The following ALG3 variants were observed in gnomAD, a reference collection of about 807,000 sequenced individuals.
ALG3 encodes ALG3 alpha-1,3- mannosyltransferase, also known as dol-P-Man:Man(5)GlcNAc(2)-PP-Dol alpha-1,3-mannosyltransferase.
A neutral mutation model predicts 50.5 loss-of-function variants in ALG3; 39 were observed. The ratio of observed to expected loss-of-function variants is 0.77; its 90% CI spans 0.60 to 1.01. The LOEUF (loss-of-function observed/expected upper bound fraction) is 1.01. Ranked by LOEUF, ALG3 falls within the 50% of genes least tolerant of loss-of-function variation. The pLI is 0.00. For missense variants in ALG3, 520 were observed against 554.8 expected, an observed-to-expected ratio of 0.94 and a Z score of 0.63; for synonymous variants, 252 against 237.2, an observed-to-expected ratio of 1.06 and a Z score of -0.58.
rs978412925 is a variant in ALG3, at chr3:184,244,513, G to C, written c.726+88C>G. On this transcript the variant is annotated intron_variant, in intron 5 of 8. Transcript: ENST00000397676. Reference sequence around the variant, plus strand: ...ATCAACTCCAAAACCCTGTCTCTTGGCTTTGAGGGAGTCTCAGGGATAGAG... The same window carrying C: ...ATCAACTCCAAAACCCTGTCTCTTGCCTTTGAGGGAGTCTCAGGGATAGAG... The C allele has an allele frequency of 4.0e-6, 6 of 1,483,060 alleles. No individual in the cohort carries two copies. In the African/African-American group the frequency reaches 8.4e-5, roughly 21 times the overall value. 91.9% of individuals were successfully genotyped at this position (1,483,060 alleles called of 1,614,324 possible).
upstream of ALG3, chr3:184,249,214 A>T: frequency 6.2e-7 from 1 of 1,612,232 alleles, no homozygotes; most frequent in Non-Finnish European, 8.5e-7. Flanking sequence ...GAAAAGCAAC[A>T]TTCCTGCCTA....
At chr3:184,242,717 A>G (rs755024618) in intron 8 of ALG3, 41 bp from the exon 9 acceptor site, 1 of 1,572,964 alleles carries the variant, frequency 6.4e-7, no homozygotes, top group South Asian at 1.2e-5. Context: ...TCCAGTTGCA[A>G]GGCCTGCAGA....
chr3:184,243,181 C>G (rs1718929375), intron 7 of ALG3: 2 of 626,910 alleles, frequency 3.2e-6, no homozygotes, highest in South Asian at 4.3e-5. Context: ...GAACCCCTAA[C>G]TTACTGGCTG....
chr3:184,243,888 G>A lies in ALG3; in HGVS notation c.835C>T (p.Leu279Phe), dbSNP rs1718979085. Reference protein sequence around the residue: ...LFHWTVNWRFLPEALFLHRAF... With the variant: ...LFHWTVNWRFFPEALFLHRAF... ...CGATGCAGGAAGAGCGCCTCTGGGA[G>A]GAAGCGCCAGTTCACTGTCCAGTGG... Residue 279 changes from leucine (L) to phenylalanine (F), a missense_variant, in exon 6 of 9, where the codon CTC (leucine) becomes TTC (phenylalanine). Physicochemically the swap from Leu to Phe is conservative, Grantham distance 22. Around this residue, in one of 3 missense-constraint regions of ALG3, gnomAD observed 224 missense variants for 272.8 expected, o/e 0.82. Coordinates refer to ENST00000397676, the MANE Select transcript of ALG3 (RefSeq NM_005787.6). 9 of 1,614,000 alleles carry A rather than the reference G, an allele frequency of 5.6e-6. No homozygotes were observed. In the East Asian group the frequency reaches 2.0e-4, roughly 36 times the overall value.
chr3:184,244,507 C>G, intron 5 of ALG3, 94 bp downstream of exon 5: 4 of 1,467,142 alleles, frequency 2.7e-6, no homozygotes, highest in Non-Finnish European at 2.8e-6. Flanking sequence ...AAAACCCTGT[C>G]TCTTGGCTTT....
In ALG3 at chr3:184,244,685, G is replaced by A. The variant is rs545724911; in HGVS notation, c.642C>T (p.Phe214=). The A allele has an allele frequency of 4.3e-5, 70 of 1,610,436 alleles. No individual in the cohort carries two copies. The highest frequency in any genetic ancestry group is 8.0e-5 in the African/African-American group (6 of 74,940). ...GGAGAAGAAACAGTAACCCAGGGGC[G>A]AAGAGCAGCACATTCATCTTCACAG... ...AVSVKMNVLL[F]APGLLFLLLT... The change falls in exon 5 of 9, where the codon TTC becomes TTT. Residue 214 remains phenylalanine, a synonymous_variant. Coordinates refer to ENST00000397676, the MANE Select transcript of ALG3 (RefSeq NM_005787.6).
chr3:184,246,935 C>T (rs529958437), intron 1 of ALG3, among the ~76,000 whole-genome samples: 34 of 152,038 alleles, frequency 2.2e-4, no homozygotes, highest in Non-Finnish European at 4.6e-4. Context: ...GACAGGGTCT[C>T]GCTCAGCCAC....
intron 7 of ALG3, 121 bp from the exon 8 acceptor site, chr3:184,243,078 T>C (rs1386743402): frequency 1.4e-6 from 2 of 1,385,252 alleles, no homozygotes; most frequent in East Asian, 2.5e-5. Flanking sequence ...TGCATGCCTT[T>C]GGGCAAGTTT....
rs1378597339 is a variant in ALG3 at position 184,242,381 on chromosome 3, C to T, written c.*133G>A. 6.2e-6 allele frequency: 7 copies of T among 1,135,440 alleles called. No homozygotes were observed. Among genetic ancestry groups the T allele is most frequent in the Non-Finnish European group, 9.1e-6 (7 of 771,696 alleles). The allele number at this position is 1,135,440 out of a possible 1,614,324, so 70.3% of individuals were successfully genotyped here. On this transcript the variant is annotated 3_prime_UTR_variant, in exon 9 of 9. Transcript: ENST00000397676. ...CCATACGTGTCCCTCACAGCCTGGA[C>T]CAGGCATCGGCTGCCCCCACCTCCA...
At chr3:184,248,530 G>A (rs929308954) in intron 1 of ALG3, among the ~76,000 whole-genome samples, 1 of 152,192 alleles carries the variant, frequency 6.6e-6, no homozygotes, top group African/African-American at 2.4e-5. Flanking sequence ...AGTGCAGAAG[G>A]CCAATCTCTA....
chr3:184,243,354 A>G (rs756793384), intron 7 of ALG3, 200 bp downstream of exon 7: 3 of 607,954 alleles, frequency 4.9e-6, no homozygotes, highest in South Asian at 4.1e-5. Context: ...AGAAGTACTC[A>G]TAAGAGTAGC....
intron 7 of ALG3, chr3:184,243,163 G>T: frequency 1.4e-6 from 1 of 711,754 alleles, no homozygotes; most frequent in Non-Finnish European, 2.3e-6. Context: ...ATAAGGTCTT[G>T]TGGGTTTGAA....
At chr3:184,244,796 C>T (rs1391653931) in intron 4 of ALG3, 75 bp from the exon 5 acceptor site, 52 of 1,528,984 alleles carry the variant, frequency 3.4e-5, no homozygotes, top group Middle Eastern at 2.1e-4. Context: ...GACATACCCC[C>T]CACCATCACC....
chr3:184,244,457 C>T, intron 5 of ALG3, 144 bp downstream of exon 5: 1 of 1,000,620 alleles, frequency 1.0e-6, no homozygotes, highest in Admixed American at 2.8e-5. Flanking sequence ...ATGGAAACTA[C>T]AGCCTAGCGA....
At position 184,248,910 on chromosome 3, in the gene ALG3, A is replaced by C; in HGVS notation, c.31T>G (p.Ser11Ala). 6.3e-7 allele frequency: 1 copy of C among 1,593,912 alleles called. No homozygotes were observed. Among genetic ancestry groups the C allele is most frequent in the Non-Finnish European group, 8.5e-7 (1 of 1,171,012 alleles). MAAGLRKRGR[S>A]GSAAQAEGLC... The stretch of plus-strand genomic sequence containing the variant: ...CCCTCTGCCTGGGCCGCGGAACCGG[A>C]CCGGCCGCGTTTCCGCAGCCCAGCC... The change falls in exon 1 of 9, where the codon TCC (serine) becomes GCC (alanine). Residue 11 changes from serine to alanine, a missense_variant. Physicochemically the swap from Ser to Ala is moderately conservative, Grantham distance 99. Around this residue, in one of 3 missense-constraint regions of ALG3, gnomAD observed 290 missense variants for 265.9 expected, o/e 1.09. Transcript: ENST00000397676.
intron 1 of ALG3, 139 bp from the exon 2 acceptor site, chr3:184,245,951 G>A: frequency 4.6e-6 from 3 of 659,300 alleles, no homozygotes; most frequent in East Asian, 2.8e-5. Context: ...CTCTTTATCT[G>A]ACATTCTCTG....
At position 184,245,611 on chromosome 3, in the gene ALG3, G is replaced by T; in HGVS notation, c.301C>A (p.Pro101Thr). The T allele has an allele frequency of 6.2e-7, 1 of 1,612,860 alleles. No homozygotes were observed. Among genetic ancestry groups the T allele is most frequent in the Non-Finnish European group, 8.5e-7 (1 of 1,179,376 alleles). Residue 101 changes from proline to threonine, a missense_variant, in exon 3 of 9, where the codon CCA becomes ACA. Coordinates refer to ENST00000397676, the MANE Select transcript of ALG3 (RefSeq NM_005787.6). ...LQGDTGPLVY[P>T]AGFVYIFMGL... The stretch of plus-strand genomic sequence containing the variant: ...ATAAAGATGTACACGAAACCAGCTG[G>T]GTACCTGGAAGATGAGAGAAAATGT...
rs2108440554 is a variant in ALG3 at position 184,243,777 on chromosome 3, C to A, written c.932+14G>T. 1 of 1,609,694 alleles carries A rather than the reference C, an allele frequency of 6.2e-7. No individual in the cohort carries two copies. Among genetic ancestry groups the A allele is most frequent in the East Asian group, 2.2e-5 (1 of 44,760 alleles). ...TCCCCCAACTCTGCCCATGGCACTA[C>A]TGCCTTTTCTCACCTGTGCCACCTG... On this transcript the variant is annotated intron_variant, in intron 6 of 8. Coordinates refer to ENST00000397676, the MANE Select transcript of ALG3 (RefSeq NM_005787.6).
rs1315653399 is a variant in ALG3, at chr3:184,244,816, TCCC to T, written c.606-98_606-96del. On this transcript the variant is annotated intron_variant, in intron 4 of 8. Transcript: ENST00000397676. ...ACCCCCCACCATCACCACAGCAACC[TCCC>T]CCCCGCCGCCACGCCAACAAACTCC... 4 of 1,447,354 alleles carry T rather than the reference TCCC, an allele frequency of 2.8e-6. No homozygotes were observed. The African/African-American group carries it at 6.1e-5, about 22-fold the overall frequency. The allele number at this position is 1,447,354 out of a possible 1,614,324, so 89.7% of individuals were successfully genotyped here. A position where few individuals can be genotyped will look rare whatever the true frequency, so the allele number is the denominator to read the frequency against.
Sources: allele counts gnomAD v4.1 joint callset (sites outside exome capture counted in the v4.1 genomes callset), GRCh38; gene constraint gnomAD v4.1.1; regional missense constraint gnomAD v4.1.1; transcripts MANE v1.5; gene names NCBI Gene and HGNC (gene_info 2026-07-23, HGNC 2026-07-21).